The following MCTP1 variants were observed in gnomAD, a reference collection of about 807,000 sequenced individuals.
The protein encoded by MCTP1 is multiple C2 and transmembrane domain containing 1, also known as multiple C2 and transmembrane domain-containing protein 1.
MCTP1 carries 69 observed loss-of-function variants against 120.6 expected under a neutral mutation model. The ratio of observed to expected loss-of-function variants is 0.57; its 90% confidence interval spans 0.47 to 0.70. MCTP1 has a LOEUF of 0.70. MCTP1 is among the 30% of genes least tolerant of loss of function. The pLI is 0.00. For synonymous variants in MCTP1, 529 were observed against 493.1 expected, an observed-to-expected ratio of 1.07 and a Z score of -0.96; for missense variants, 1,203 against 1,248.8, an observed-to-expected ratio of 0.96 and a Z score of 0.55.
chr5:94,955,346 G>A (rs1207389848), intron 2 of MCTP1, among the ~76,000 whole-genome samples: 4 of 152,136 alleles, frequency 2.6e-5, no homozygotes, highest in African/African-American at 9.7e-5. Context: ...CAGTCATTTG[G>A]GCAGACACTG....
chr5:94,854,610 G>A (rs374940573), intron 17 of MCTP1, among the ~76,000 whole-genome samples: 4 of 151,822 alleles, frequency 2.6e-5, no homozygotes, highest in Non-Finnish European at 5.9e-5. Context: ...TGACTAAGGA[G>A]TAGGTGACCA....
intron 1 of MCTP1, among the ~76,000 whole-genome samples, chr5:95,224,894 G>C (rs570240437): frequency 6.6e-6 from 1 of 152,196 alleles, no homozygotes; most frequent in East Asian, 1.9e-4. Flanking sequence ...CAAAGTACAA[G>C]TCTTTAACTT....
intron 19 of MCTP1, among the ~76,000 whole-genome samples, chr5:94,732,323 C>G (rs559190894): frequency 1.2e-3 from 176 of 151,768 alleles, no homozygotes; most frequent in African/African-American, 3.8e-3. Flanking sequence ...TATGAGACTT[C>G]GTGATTTTTT....
intron 7 of MCTP1, among the ~76,000 whole-genome samples, chr5:94,919,359 G>C (rs535347436): frequency 2.6e-5 from 4 of 151,790 alleles, no homozygotes; most frequent in Admixed American, 2.0e-4. Flanking sequence ...TATTTTTCTC[G>C]TTGTGATTTA....
chr5:94,800,960 T>G (rs1781102619), intron 17 of MCTP1, among the ~76,000 whole-genome samples: 2 of 152,174 alleles, frequency 1.3e-5, no homozygotes, highest in East Asian at 3.9e-4. Flanking sequence ...ATTTAATTTT[T>G]GAAATTTATA....
intron 7 of MCTP1, among the ~76,000 whole-genome samples, chr5:94,918,851 G>C (rs1731733184): frequency 6.6e-6 from 1 of 152,096 alleles, no homozygotes; most frequent in Non-Finnish European, 1.5e-5. Flanking sequence ...TTTCATGACA[G>C]GAATCTTATT....
intron 3 of MCTP1, among the ~76,000 whole-genome samples, chr5:94,945,990 T>G (rs1052809814): frequency 6.6e-6 from 1 of 152,126 alleles, no homozygotes. Context: ...TATTTTAAAG[T>G]CTGGGAGAAG....
chr5:94,914,698 G>C (rs1364952382), intron 8 of MCTP1, among the ~76,000 whole-genome samples: 12 of 152,182 alleles, frequency 7.9e-5, no homozygotes, highest in Non-Finnish European at 1.6e-4. Flanking sequence ...AATTCATGGA[G>C]CACCTGCAAG....
intron 1 of MCTP1, among the ~76,000 whole-genome samples, chr5:95,275,683 T>C (rs1358046179): frequency 1.3e-5 from 2 of 152,184 alleles, no homozygotes; most frequent in Non-Finnish European, 2.9e-5. Context: ...TTTGTACAAG[T>C]CTTCAAAATT....
chr5:94,958,272 T>A (rs1417813424), intron 2 of MCTP1, among the ~76,000 whole-genome samples: 2 of 152,156 alleles, frequency 1.3e-5, no homozygotes, highest in African/African-American at 4.8e-5. Flanking sequence ...TAAAGCAGTG[T>A]GTAGAGGGAA....
chr5:94,867,273 C>A, intron 17 of MCTP1: 1 of 1,521,732 alleles, frequency 6.6e-7, no homozygotes, highest in Non-Finnish European at 8.8e-7. Flanking sequence ...GAGACAACAA[C>A]ACGTCTATGG....
At chr5:94,967,057 G>T (rs1292503752) in intron 2 of MCTP1, among the ~76,000 whole-genome samples, 2 of 152,160 alleles carry the variant, frequency 1.3e-5, no homozygotes, top group Non-Finnish European at 1.5e-5. Flanking sequence ...CATTTAGTTT[G>T]GCTATTATGT....
At chr5:95,044,865 A>T (rs1204507042) in intron 1 of MCTP1, among the ~76,000 whole-genome samples, 1 of 152,044 alleles carries the variant, frequency 6.6e-6, no homozygotes, top group Non-Finnish European at 1.5e-5. Context: ...TCAGGGCAGC[A>T]GACTTCTAAG....
At chr5:94,887,165 A>C (rs1173825736) in intron 12 of MCTP1, among the ~76,000 whole-genome samples, 1 of 152,142 alleles carries the variant, frequency 6.6e-6, no homozygotes, top group African/African-American at 2.4e-5. Flanking sequence ...TGGAGGAAAA[A>C]AATGGAGACT....
At chr5:94,715,385 AAAAAC>A (rs1330891913) in intron 19 of MCTP1, among the ~76,000 whole-genome samples, 9 of 150,980 alleles carry the variant, frequency 6.0e-5, no homozygotes, top group Non-Finnish European at 7.4e-5. Context: ...AAAAAAAAAA[AAAAAC>A]ACCACCACCA....
chr5:95,103,809 A>G (rs1756912356), intron 1 of MCTP1, among the ~76,000 whole-genome samples: 1 of 152,294 alleles, frequency 6.6e-6, no homozygotes, highest in South Asian at 2.1e-4. Context: ...ACAACTCAAT[A>G]TGGTACACTG....
At chr5:95,002,422 AGCAACCAG>A (rs1833913710) in intron 2 of MCTP1, among the ~76,000 whole-genome samples, 1 of 152,322 alleles carries the variant, frequency 6.6e-6, no homozygotes, top group Middle Eastern at 3.4e-3. Flanking sequence ...AGCCTGTGAA[AGCAACCAG>A]GATGGGGCTA....
intron 17 of MCTP1, among the ~76,000 whole-genome samples, chr5:94,805,139 T>C (rs1371203763): frequency 6.6e-6 from 1 of 152,250 alleles, no homozygotes; most frequent in African/African-American, 2.4e-5. Context: ...TTCTAATTCT[T>C]GTTCATAGTC....
intron 1 of MCTP1, among the ~76,000 whole-genome samples, chr5:95,158,371 G>C (rs1243193265): frequency 6.6e-6 from 1 of 152,068 alleles, no homozygotes; most frequent in Non-Finnish European, 1.5e-5. Flanking sequence ...AATCCTCTGG[G>C]TACAAATTAA....
Sources: gnomAD v4.1 joint callset for allele counts (sites outside exome capture counted in the v4.1 genomes callset) on GRCh38, gnomAD v4.1.1 for gene constraint, MANE v1.5 for transcripts, NCBI Gene and HGNC (gene_info 2026-07-23, HGNC 2026-07-21) for gene names.